Variants in F2RL1 observed in about 807,000 individuals in gnomAD.
F2RL1 encodes F2R like trypsin receptor 1, also known as proteinase-activated receptor 2.
A neutral mutation model predicts 21.7 loss-of-function variants in F2RL1; 16 were observed. The observed-to-expected ratio is 0.74, with a 90% CI of 0.50 to 1.12. F2RL1 has a LOEUF of 1.12. Among genes scored for constraint, F2RL1 ranks in the 50% most tolerant of loss-of-function variants. The probability of loss-of-function intolerance (pLI) is 0.00; values close to 1 mark genes in which losing one functional copy is unlikely to be tolerated. For missense variants in F2RL1, 432 were observed against 477.8 expected (o/e 0.90, Z 0.89); for synonymous variants, 181 against 186.7 (o/e 0.97, Z 0.25).
chr5:76,830,794 A>G (rs1448625582), intron 1 of F2RL1, among the ~76,000 whole-genome samples: 1 of 152,230 alleles, frequency 6.6e-6, no homozygotes, highest in Non-Finnish European at 1.5e-5. Flanking sequence ...TGATCTCTAC[A>G]TCCCCCAACA....
At position 76,834,135 on chromosome 5, in the gene F2RL1, A is replaced by G. The variant is rs1750413906; in HGVS notation, c.*334A>G. Reference sequence around the variant, plus strand: ...TCACTTCTCAGCTGAAATTATATATATACACATATATATATTTTACATCTG... The same window carrying G: ...TCACTTCTCAGCTGAAATTATATATGTACACATATATATATTTTACATCTG... On this transcript the variant is annotated 3_prime_UTR_variant, in exon 2 of 2. Transcript: ENST00000296677. 1 of 153,334 alleles carries G rather than the reference A, an allele frequency of 6.5e-6. No homozygotes were observed. The highest frequency in any genetic ancestry group is 1.2e-5 in the Non-Finnish European group (1 of 82,978). 9.5% of individuals were successfully genotyped at this position (153,334 alleles called of 1,614,324 possible).
chr5:76,820,992 C>T (rs1001887017), intron 1 of F2RL1, among the ~76,000 whole-genome samples: 2 of 152,180 alleles, frequency 1.3e-5, no homozygotes, highest in Non-Finnish European at 2.9e-5. Context: ...ACAGTGTTAG[C>T]AAAGCTTTTC....
intron 1 of F2RL1, among the ~76,000 whole-genome samples, chr5:76,831,997 G>T (rs2150607760): frequency 6.7e-6 from 1 of 149,194 alleles, no homozygotes; most frequent in African/African-American, 2.5e-5. Context: ...AACATAGCAA[G>T]ACCCCATCTC....
intron 1 of F2RL1, among the ~76,000 whole-genome samples, chr5:76,824,266 A>T (rs1028645659): frequency 2.8e-5 from 4 of 142,486 alleles, no homozygotes; most frequent in Non-Finnish European, 6.0e-5. Flanking sequence ...TTTTAGACGG[A>T]GCTCCCAAGT....
At chr5:76,827,298 T>G (rs2243042) in intron 1 of F2RL1, among the ~76,000 whole-genome samples, 21,905 of 135,654 alleles carry the variant, frequency 0.16, 2,217 homozygotes, top group South Asian at 0.32. Flanking sequence ...TGGCTAACAC[T>G]GTGAAACCCC....
In F2RL1 at chr5:76,833,851, T is replaced by G; in HGVS notation, c.*50T>G. 1 of 1,563,822 alleles carries G rather than the reference T, an allele frequency of 6.4e-7. No individual in the cohort carries two copies. Among genetic ancestry groups the G allele is most frequent in the Non-Finnish European group, 8.7e-7 (1 of 1,149,804 alleles). Reference sequence around the variant, plus strand: ...TTGCACAGTAGGATGTGGAACCTGTTTAATGTTATGAGGACGTGTCTGTTA... The same window carrying G: ...TTGCACAGTAGGATGTGGAACCTGTGTAATGTTATGAGGACGTGTCTGTTA... On this transcript the variant is annotated 3_prime_UTR_variant, in exon 2 of 2. Coordinates refer to ENST00000296677, the MANE Select transcript of F2RL1 (RefSeq NM_005242.6).
intron 1 of F2RL1, among the ~76,000 whole-genome samples, chr5:76,831,283 A>G (rs1750344013): frequency 6.6e-6 from 1 of 152,136 alleles, no homozygotes; most frequent in African/African-American, 2.4e-5. Context: ...ATGAGCAGGG[A>G]AAATCCCTGC....
intron 1 of F2RL1, among the ~76,000 whole-genome samples, chr5:76,830,439 G>A (rs1426637853): frequency 6.6e-6 from 1 of 152,038 alleles, no homozygotes; most frequent in Non-Finnish European, 1.5e-5. Context: ...CACCACGCCC[G>A]GCTAATTTTT....
At chr5:76,824,307 C>A (rs967529245) in intron 1 of F2RL1, among the ~76,000 whole-genome samples, 12 of 151,752 alleles carry the variant, frequency 7.9e-5, no homozygotes, top group African/African-American at 2.9e-4. Flanking sequence ...TGCCACTATG[C>A]CTGGCCTGAA....
chr5:76,822,854 T>C (rs1411591242), intron 1 of F2RL1, among the ~76,000 whole-genome samples: 1 of 152,108 alleles, frequency 6.6e-6, no homozygotes. Context: ...GGAAGAGAAC[T>C]AATGCAAGTA....
At position 76,833,690 on chromosome 5, in the gene F2RL1, C is replaced by T. The variant is rs745368730; in HGVS notation, c.1083C>T (p.Cys361=). ...FRDHAKNALL[C]RSVRTVKQMQ... is the part of the protein sequence containing the mutation. ...ATCATGCAAAGAACGCTCTCCTTTGCCGAAGTGTCCGCACTGTAAAGCAGA... is the reference window on the plus strand; with the variant it reads ...ATCATGCAAAGAACGCTCTCCTTTGTCGAAGTGTCCGCACTGTAAAGCAGA... Residue 361 remains cysteine (C), a synonymous_variant, in exon 2 of 2, where the codon TGC becomes TGT. Transcript: ENST00000296677. 3.7e-6 allele frequency: 6 copies of T among 1,614,014 alleles called. No homozygotes were observed. In the South Asian group the frequency reaches 6.6e-5, roughly 18 times the overall value.
chr5:76,833,916 G>T lies in F2RL1; in HGVS notation c.*115G>T. 9.0e-7 allele frequency: 1 copy of T among 1,109,688 alleles called. No individual in the cohort carries two copies. The allele number at this position is 1,109,688 out of a possible 1,614,324, so 68.7% of individuals were successfully genotyped here. A position where few individuals can be genotyped will look rare whatever the true frequency, so the allele number is the denominator to read the frequency against. On this transcript the variant is annotated 3_prime_UTR_variant, in exon 2 of 2. Coordinates refer to ENST00000296677, the MANE Select transcript of F2RL1 (RefSeq NM_005242.6). ...AGGTCTCACCACATACCATGTGGATGCAGCACCTCTCAGGATTGCTAGGAG... is the reference window on the plus strand; with the variant it reads ...AGGTCTCACCACATACCATGTGGATTCAGCACCTCTCAGGATTGCTAGGAG...
At chr5:76,825,319 A>G (rs1225710864) in intron 1 of F2RL1, among the ~76,000 whole-genome samples, 2 of 151,918 alleles carry the variant, frequency 1.3e-5, no homozygotes, top group African/African-American at 4.8e-5. Context: ...TCTTTTTTCA[A>G]TTGACTGTAT....
chr5:76,826,912 C>A (rs1326131704), intron 1 of F2RL1, among the ~76,000 whole-genome samples: 1 of 151,818 alleles, frequency 6.6e-6, no homozygotes, highest in East Asian at 1.9e-4. Context: ...GTTGCCCAGG[C>A]TGGAGTGCAG....
At chr5:76,823,204 G>A (rs1024762545) in intron 1 of F2RL1, among the ~76,000 whole-genome samples, 2 of 150,800 alleles carry the variant, frequency 1.3e-5, no homozygotes, top group African/African-American at 2.4e-5. Flanking sequence ...CACTCCAGCC[G>A]GGGCAACAGA....
intron 1 of F2RL1, 79 bp downstream of exon 1, chr5:76,819,343 G>C: frequency 2.3e-6 from 3 of 1,293,110 alleles, no homozygotes; most frequent in Non-Finnish European, 3.2e-6. Context: ...GTGGGATCCG[G>C]GCAGGTGTGC....
Position 76,820,353 on chromosome 5 carries a change from C to A in F2RL1, c.82+1089C>A, listed in dbSNP as rs114552933. Among the ~76,000 whole-genome samples, 398 of 152,266 alleles carry A rather than the reference C, an allele frequency of 2.6e-3. 4 individuals are homozygous for A. Among genetic ancestry groups the A allele is most frequent in the African/African-American group, 9.0e-3 (376 of 41,556 alleles). On this transcript the variant is annotated intron_variant, in intron 1 of 1. Coordinates refer to ENST00000296677, the MANE Select transcript of F2RL1 (RefSeq NM_005242.6). ...ATTTCCCTCAGAAATGCGCATTTCT[C>A]ACTTTTATCCTCCTCTTCATAAAGA...
At chr5:76,824,652 T>C (rs1167698210) in intron 1 of F2RL1, among the ~76,000 whole-genome samples, 1 of 152,112 alleles carries the variant, frequency 6.6e-6, no homozygotes, top group Admixed American at 6.6e-5. Flanking sequence ...TTTTGATAGA[T>C]GTTGAAATTA....
Position 76,833,549 on chromosome 5 carries a change from T to G in F2RL1, c.942T>G (p.Ile314Met). ...NLLLVVHYFLIKSQGQSHVYA... is the reference protein window; with the variant it reads ...NLLLVVHYFLMKSQGQSHVYA... Reference sequence around the variant, plus strand: ...TGCTTGTGGTGCATTATTTTCTGATTAAGAGCCAGGGCCAGAGCCATGTCT... The same window carrying G: ...TGCTTGTGGTGCATTATTTTCTGATGAAGAGCCAGGGCCAGAGCCATGTCT... Residue 314 changes from isoleucine to methionine, a missense_variant, in exon 2 of 2, where the codon ATT becomes ATG. Coordinates refer to ENST00000296677, the MANE Select transcript of F2RL1 (RefSeq NM_005242.6). 1 of 1,613,676 alleles carries G rather than the reference T, an allele frequency of 6.2e-7. No individual in the cohort carries two copies. Among genetic ancestry groups the G allele is most frequent in the East Asian group, 2.2e-5 (1 of 44,794 alleles).
Sources: allele counts gnomAD v4.1 joint callset (sites outside exome capture counted in the v4.1 genomes callset), GRCh38; gene constraint gnomAD v4.1.1; transcripts MANE v1.5; gene names NCBI Gene and HGNC (gene_info 2026-07-23, HGNC 2026-07-21).